The following SOX5 variants were observed in gnomAD, a reference collection of about 807,000 sequenced individuals.
SOX5 encodes SRY-box transcription factor 5, also known as transcription factor SOX-5.
In SOX5, 9 loss-of-function variants were observed where a neutral mutation model predicts 92.0. The observed-to-expected ratio is 0.10, with a 90% CI of 0.06 to 0.17. SOX5 has a LOEUF of 0.17. Ranked by LOEUF, SOX5 falls within the 10% of genes least tolerant of loss-of-function variation. The pLI, the probability that SOX5 is intolerant of heterozygous loss-of-function variation, is 1.00. For synonymous variants in SOX5, 344 were observed against 336.3 expected (o/e 1.02, Z -0.25); for missense variants, 642 against 944.5 (o/e 0.68, Z 4.20).
intron 1 of SOX5, among the ~76,000 whole-genome samples, chr12:24,406,595 A>G (rs1480274873): frequency 2.6e-5 from 4 of 152,214 alleles, no homozygotes; most frequent in African/African-American, 9.7e-5. Context: ...AGTCCAACTC[A>G]AAACTGGGCC....
chr12:23,979,415 G>A (rs1189992488), intron 4 of SOX5, among the ~76,000 whole-genome samples: 1 of 151,894 alleles, frequency 6.6e-6, no homozygotes, highest in Non-Finnish European at 1.5e-5. Context: ...GTAGAGACCA[G>A]GTTTCACCAT....
At chr12:23,569,925 A>T (rs76561164) in intron 10 of SOX5, among the ~76,000 whole-genome samples, 1 of 152,328 alleles carries the variant, frequency 6.6e-6, no homozygotes, top group African/African-American at 2.4e-5. Flanking sequence ...TTTTAGTACA[A>T]TCTATTATTC....
chr12:24,335,979 A>ATATATATATATATATATATC (rs1301436341), intron 2 of SOX5, among the ~76,000 whole-genome samples: 1 of 140,350 alleles, frequency 7.1e-6, no homozygotes, highest in Non-Finnish European at 1.5e-5. Flanking sequence ...TATCATATAT[A>ATATATATATATATATATATC]TATATATATC....
intron 3 of SOX5, among the ~76,000 whole-genome samples, chr12:23,786,558 GA>G (rs2095382369): frequency 2.1e-5 from 3 of 140,518 alleles, no homozygotes; most frequent in Admixed American, 1.4e-4. Context: ...AAAAAAAAAA[GA>G]AAAAAGAGAC....
In SOX5 at chr12:24,377,061, T is replaced by G. The variant is rs1482132605; in HGVS notation, c.-250-8422A>C. ...ACGTCTATCTTTGATGCATTTCTCC[T>G]CTTACAGATGTAGATTTGTCATGTT... is the stretch of plus-strand genomic sequence containing the variant. On this transcript the variant is annotated intron_variant, in intron 1 of 4. Transcript: ENST00000446891. 3.3e-5 allele frequency among the ~76,000 whole-genome samples: 5 copies of G among 152,068 alleles called. 1 individual carries two copies. Among genetic ancestry groups the G allele is most frequent in the Non-Finnish European group, 7.4e-5 (5 of 68,016 alleles).
At chr12:23,998,993 G>A (rs1951320587) in intron 4 of SOX5, among the ~76,000 whole-genome samples, 1 of 151,808 alleles carries the variant, frequency 6.6e-6, no homozygotes, top group South Asian at 2.1e-4. Flanking sequence ...TAAAGACCAA[G>A]AGATAATTTT....
chr12:23,680,106 G>C (rs1352227314), intron 6 of SOX5, among the ~76,000 whole-genome samples: 1 of 151,582 alleles, frequency 6.6e-6, no homozygotes, highest in Non-Finnish European at 1.5e-5. Context: ...TGGGCACATC[G>C]CTTGAGCTCA....
chr12:23,604,276 T>C (rs1000301504), intron 9 of SOX5, 111 bp downstream of exon 9: 1 of 1,147,152 alleles, frequency 8.7e-7, no homozygotes, highest in East Asian at 2.4e-5. Context: ...TCTTACCTCC[T>C]TGTACACCCA....
intron 4 of SOX5, among the ~76,000 whole-genome samples, chr12:24,033,418 T>TA (rs1243339212): frequency 2.0e-5 from 3 of 151,942 alleles, no homozygotes; most frequent in Non-Finnish European, 4.4e-5. Flanking sequence ...CAAAGTGATT[T>TA]AAAAAAAGAG....
chr12:24,124,803 T>C (rs1439108805), intron 4 of SOX5, among the ~76,000 whole-genome samples: 1 of 152,196 alleles, frequency 6.6e-6, no homozygotes, highest in Non-Finnish European at 1.5e-5. Flanking sequence ...TTTATTATAA[T>C]TTAGTCATTC....
At chr12:23,709,128 G>A (rs1324440584) in intron 6 of SOX5, among the ~76,000 whole-genome samples, 1 of 152,056 alleles carries the variant, frequency 6.6e-6, no homozygotes, top group Non-Finnish European at 1.5e-5. Flanking sequence ...TTGAGATAGG[G>A]TCTTGCTCTG....
rs1958225157 is a variant in SOX5, at chr12:24,208,226, T to C, written c.-2+5117A>G. Among the ~76,000 whole-genome samples, 3 of 152,166 alleles carry C rather than the reference T, an allele frequency of 2.0e-5. No individual in the cohort carries two copies. The South Asian group carries it at 6.2e-4, about 32-fold the overall frequency. ...TTCCTTCTTATAGCCATACAGTTTA[T>C]AAATCAGTCAGCCTCAGAGTGACAT... is the stretch of plus-strand genomic sequence containing the variant. On this transcript the variant is annotated intron_variant, in intron 4 of 4. Coordinates refer to the SOX5 transcript ENST00000446891.
At chr12:24,296,371 C>T (rs1947248224) in intron 2 of SOX5, among the ~76,000 whole-genome samples, 1 of 152,156 alleles carries the variant, frequency 6.6e-6, no homozygotes, top group Non-Finnish European at 1.5e-5. Context: ...ACATTTAAGA[C>T]TATTTGACGG....
intron 8 of SOX5, among the ~76,000 whole-genome samples, chr12:23,629,606 G>A (rs368929674): frequency 6.6e-6 from 1 of 152,052 alleles, no homozygotes; most frequent in Non-Finnish European, 1.5e-5. Flanking sequence ...GTACTATCTG[G>A]AGGGTGCTTG....
chr12:24,139,727 C>T (rs1950404062), intron 4 of SOX5, among the ~76,000 whole-genome samples: 1 of 152,146 alleles, frequency 6.6e-6, no homozygotes, highest in Non-Finnish European at 1.5e-5. Flanking sequence ...AAAATTGGAG[C>T]ATTTTAAATT....
intron 3 of SOX5, among the ~76,000 whole-genome samples, chr12:23,819,586 A>G (rs2096065941): frequency 6.7e-6 from 1 of 150,210 alleles, no homozygotes; most frequent in African/African-American, 2.4e-5. Flanking sequence ...TAGTCCCCCC[A>G]CTCCCCGACA....
At chr12:23,751,828 G>A (rs927564789) in intron 4 of SOX5, among the ~76,000 whole-genome samples, 3 of 151,852 alleles carry the variant, frequency 2.0e-5, no homozygotes, top group African/African-American at 7.2e-5. Context: ...AAATGCCCCT[G>A]GCACTTTTGC....
At chr12:23,961,229 A>T (rs1306505242) in intron 4 of SOX5, among the ~76,000 whole-genome samples, 1 of 152,214 alleles carries the variant, frequency 6.6e-6, no homozygotes, top group East Asian at 1.9e-4. Context: ...TCTGAAATAA[A>T]TGTTTAATTG....
chr12:23,847,086 A>T (rs188260715), intron 2 of SOX5, among the ~76,000 whole-genome samples: 13 of 152,274 alleles, frequency 8.5e-5, no homozygotes, highest in African/African-American at 2.4e-4. Context: ...AAACATATTA[A>T]GGTGATTTTT....
Sources: gnomAD v4.1 joint callset for allele counts (sites outside exome capture counted in the v4.1 genomes callset) on GRCh38, gnomAD v4.1.1 for gene constraint, MANE v1.5 for transcripts, NCBI Gene and HGNC (gene_info 2026-07-23, HGNC 2026-07-21) for gene names.